Variants in LRRFIP1 observed in about 807,000 individuals in gnomAD.
LRRFIP1 encodes LRR binding FLII interacting protein 1, also known as leucine-rich repeat flightless-interacting protein 1.
In LRRFIP1, 62 loss-of-function variants were observed where a neutral mutation model predicts 104.4. The observed-to-expected ratio is 0.59, with a 90% CI of 0.48 to 0.73. The LOEUF (loss-of-function observed/expected upper bound fraction) is 0.73. LRRFIP1 is among the 30% of genes least tolerant of loss of function. The probability of loss-of-function intolerance (pLI) is 0.00; values close to 1 mark genes in which losing one functional copy is unlikely to be tolerated. For synonymous variants in LRRFIP1, 300 were observed against 299.0 expected (o/e 1.00, Z -0.03); for missense variants, 796 against 824.5 (o/e 0.97, Z 0.42).
At chr2:237,674,960 C>G (rs62194189) in intron 1 of LRRFIP1, among the ~76,000 whole-genome samples, 2 of 152,374 alleles carry the variant, frequency 1.3e-5, no homozygotes, top group East Asian at 1.9e-4. Context: ...GCCCTGCCCC[C>G]AGAGAGAGCC....
chr2:237,727,297 A>C (rs2150271096), intron 7 of LRRFIP1, among the ~76,000 whole-genome samples: 1 of 151,160 alleles, frequency 6.6e-6, no homozygotes, highest in African/African-American at 2.4e-5. Flanking sequence ...CAGAGGTTGC[A>C]GTGAGCTGAG....
In LRRFIP1 at chr2:237,734,099, A is replaced by G. The variant is rs375903713; in HGVS notation, c.489+281A>G. ...CAGGAATGGAACAACAGCAATGTTTACTTTACCTATTGGCAGAAAGAATGG... is the reference window on the plus strand; with the variant it reads ...CAGGAATGGAACAACAGCAATGTTTGCTTTACCTATTGGCAGAAAGAATGG... On this transcript the variant is annotated intron_variant, in intron 9 of 23. Transcript: ENST00000308482. Among the ~76,000 whole-genome samples the G allele has an allele frequency of 7.4e-4, 112 of 152,334 alleles. 3 individuals carry two copies. In the South Asian group the frequency reaches 0.022, roughly 30 times the overall value.
chr2:237,748,223 G>T, intron 11 of LRRFIP1, 141 bp from the exon 12 acceptor site: 1 of 701,806 alleles, frequency 1.4e-6, no homozygotes, highest in Non-Finnish European at 2.5e-6. Flanking sequence ...AGCTAAATTT[G>T]GAGTGTCCCA....
At chr2:237,723,425 A>G in intron 6 of LRRFIP1, 123 bp from the exon 7 acceptor site, 4 of 958,740 alleles carry the variant, frequency 4.2e-6, no homozygotes, top group East Asian at 2.5e-5. Context: ...GAAATTATGG[A>G]AAAATGCATT....
At chr2:237,676,392 TTA>T (rs1238436327) in intron 1 of LRRFIP1, among the ~76,000 whole-genome samples, 1 of 152,248 alleles carries the variant, frequency 6.6e-6, no homozygotes, top group African/African-American at 2.4e-5. Context: ...GTCCTGATGG[TTA>T]TCTTTCTAGT....
At chr2:237,708,841 C>T (rs1458662939) in intron 2 of LRRFIP1, 7 of 691,572 alleles carry the variant, frequency 1.0e-5, no homozygotes, top group African/African-American at 1.8e-5. Context: ...CCTGCTGGCT[C>T]CTGAGAGGGG....
At chr2:237,708,856 G>A in intron 2 of LRRFIP1, 1 of 671,066 alleles carries the variant, frequency 1.5e-6, no homozygotes, top group South Asian at 1.5e-5. Context: ...GAGGGGCTTA[G>A]AAGCCTCTTG....
intron 8 of LRRFIP1, among the ~76,000 whole-genome samples, chr2:237,731,495 T>TC (rs2095009285): frequency 1.3e-5 from 2 of 151,556 alleles, no homozygotes; most frequent in South Asian, 4.2e-4. Context: ...GGCCCTTCTG[T>TC]CCCCCAATAT....
intron 1 of LRRFIP1, among the ~76,000 whole-genome samples, chr2:237,645,886 T>C (rs1475659234): frequency 6.6e-6 from 1 of 152,012 alleles, no homozygotes; most frequent in African/African-American, 2.4e-5. Flanking sequence ...TACAAAGCCC[T>C]GTCCACTGGG....
chr2:237,765,416 C>G, intron 19 of LRRFIP1: 1 of 813,360 alleles, frequency 1.2e-6, no homozygotes, highest in Non-Finnish European at 1.4e-6. Flanking sequence ...GCCTGGGAGA[C>G]AGAGTGAGAC....
rs771435884 is a variant in LRRFIP1 at position 237,758,760 on chromosome 2, C to G, written c.1256C>G (p.Ser419Cys). The change falls in exon 18 of 24, where the codon TCC becomes TGC. Residue 419 changes from serine (S) to cysteine (C), a missense_variant. Coordinates refer to ENST00000308482, the MANE Select transcript of LRRFIP1 (RefSeq NM_001137550.2). ...GAGAGGCAGAAAGAGTTCTTTGATT[C>G]CGTAAGGAGTGAACGGGATGATCTT... ...ALERQKEFFD[S>C]VRSERDDLRE... The G allele has an allele frequency of 2.5e-6, 4 of 1,613,182 alleles. No homozygotes were observed. In the Admixed American group the frequency reaches 6.7e-5, roughly 27 times the overall value.
At chr2:237,750,292 T>C (rs1034862540) in intron 13 of LRRFIP1, among the ~76,000 whole-genome samples, 83 of 149,282 alleles carry the variant, frequency 5.6e-4, no homozygotes, top group African/African-American at 1.9e-3. Context: ...GTTGCTTCCC[T>C]TTTTTTTTCC....
chr2:237,773,694 G>T (rs2060844449), intron 22 of LRRFIP1, among the ~76,000 whole-genome samples: 1 of 152,138 alleles, frequency 6.6e-6, no homozygotes, highest in Non-Finnish European at 1.5e-5. Flanking sequence ...AGCACCCTGG[G>T]CCCTAGGGCA....
intron 1 of LRRFIP1, among the ~76,000 whole-genome samples, chr2:237,668,934 T>A (rs2089936086): frequency 6.6e-6 from 1 of 152,248 alleles, no homozygotes; most frequent in African/African-American, 2.4e-5. Flanking sequence ...TTTTCTCCAT[T>A]CTTTTATCTG....
intron 1 of LRRFIP1, among the ~76,000 whole-genome samples, chr2:237,644,391 G>C (rs11884594): frequency 0.14 from 21,504 of 152,220 alleles, 1,988 homozygotes; most frequent in African/African-American, 0.26. Flanking sequence ...TATTAACACA[G>C]CCTGCCAGGT....
chr2:237,770,947 G>A (rs1005004794), intron 20 of LRRFIP1, among the ~76,000 whole-genome samples: 20 of 151,702 alleles, frequency 1.3e-4, no homozygotes, highest in African/African-American at 4.1e-4. Context: ...AAGATTCTCC[G>A]AAAATTGGAG....
chr2:237,743,754 G>A (rs1375760939), intron 11 of LRRFIP1, among the ~76,000 whole-genome samples: 3 of 152,152 alleles, frequency 2.0e-5, no homozygotes, highest in South Asian at 2.1e-4. Flanking sequence ...GCCCAGCAGC[G>A]GGGGTGTGAG....
intron 1 of LRRFIP1, among the ~76,000 whole-genome samples, chr2:237,685,953 A>C (rs2092334935): frequency 6.6e-6 from 1 of 152,188 alleles, no homozygotes; most frequent in African/African-American, 2.4e-5. Context: ...TCTAGTTGCA[A>C]ATTAAAGTCT....
intron 1 of LRRFIP1, among the ~76,000 whole-genome samples, chr2:237,642,745 G>T (rs1482146348): frequency 6.6e-6 from 1 of 152,100 alleles, no homozygotes; most frequent in Non-Finnish European, 1.5e-5. Flanking sequence ...GGGGTTTCAG[G>T]TTCCAGGTCC....
Sources: allele counts gnomAD v4.1 joint callset (sites outside exome capture counted in the v4.1 genomes callset), GRCh38; gene constraint gnomAD v4.1.1; transcripts MANE v1.5; gene names NCBI Gene and HGNC (gene_info 2026-07-23, HGNC 2026-07-21).